Variants in SCN7A observed in about 807,000 individuals in gnomAD.
SCN7A encodes the protein sodium voltage-gated channel alpha subunit 7, also known as sodium channel protein type 7 subunit alpha.
SCN7A carries 138 observed loss-of-function variants against 155.2 expected under a neutral mutation model. The observed-to-expected ratio is 0.89, with a 90% confidence interval of 0.77 to 1.02. SCN7A has a LOEUF of 1.02. Among genes scored for constraint, SCN7A ranks in the 50% least tolerant of loss-of-function variants. SCN7A has a pLI of 0.00. For missense variants in SCN7A, 2,058 were observed against 1,986.6 expected, an observed-to-expected ratio of 1.04 and a Z score of -0.68; for synonymous variants, 693 against 649.0, an observed-to-expected ratio of 1.07 and a Z score of -1.03.
rs1045642901 is a variant in SCN7A at position 166,404,995 on chromosome 2, CA to C, written c.*584del. On this transcript the variant is annotated 3_prime_UTR_variant, in exon 26 of 26. Transcript: ENST00000643258. ...AGTTCCAAATGAAAACAAGAACATA[CA>C]AAAATAAACACAGAGCTTCAACCAA... 1 of 151,778 alleles carries C rather than the reference CA, an allele frequency of 6.6e-6. No homozygotes were observed. The highest frequency in any genetic ancestry group is 2.4e-5 in the African/African-American group (1 of 41,354). The allele number at this position is 151,778 out of a possible 1,614,324, so 9.4% of individuals were successfully genotyped here. A position where few individuals can be genotyped will look rare whatever the true frequency, so the allele number is the denominator to read the frequency against.
At chr2:166,442,113 C>T (rs987047199) in intron 14 of SCN7A, among the ~76,000 whole-genome samples, 2 of 152,124 alleles carry the variant, frequency 1.3e-5, no homozygotes. Flanking sequence ...TATACGTTGA[C>T]ATGAAAATGA....
At chr2:166,458,596 G>A (rs942602014) in intron 10 of SCN7A, among the ~76,000 whole-genome samples, 1 of 152,080 alleles carries the variant, frequency 6.6e-6, no homozygotes, top group Non-Finnish European at 1.5e-5. Context: ...TTCCAAAGGA[G>A]CTGTTCTATA....
At chr2:166,488,969 T>G (rs1190893401) in intron 1 of SCN7A, among the ~76,000 whole-genome samples, 1 of 152,198 alleles carries the variant, frequency 6.6e-6, no homozygotes, top group Non-Finnish European at 1.5e-5. Context: ...TCATGTACTC[T>G]TTGGCCCAGC....
chr2:166,490,102 G>A (rs1683051579), intron 1 of SCN7A, among the ~76,000 whole-genome samples: 1 of 151,716 alleles, frequency 6.6e-6, no homozygotes, highest in African/African-American at 2.4e-5. Flanking sequence ...TCTTTGTAGT[G>A]GAAACATTTA....
At chr2:166,414,468 T>TATAA (rs1262584389) in intron 21 of SCN7A, 2 of 138,280 alleles carry the variant, frequency 1.4e-5, no homozygotes, top group African/African-American at 5.4e-5. Flanking sequence ...ATAGGATATA[T>TATAA]ATATATATAT....
In SCN7A at chr2:166,447,694, T is replaced by C; in HGVS notation, c.1305A>G (p.Gln435=). The C allele has an allele frequency of 6.2e-7, 1 of 1,612,676 alleles. No homozygotes were observed. Among genetic ancestry groups the C allele is most frequent in the Non-Finnish European group, 8.5e-7 (1 of 1,178,934 alleles). The change falls in exon 12 of 26, where the codon CAA becomes CAG. Residue 435 remains glutamine (Q), a synonymous_variant. Coordinates refer to ENST00000643258, the MANE Select transcript of SCN7A (RefSeq NM_002976.4). ...GNETDEAKTI[Q]IEMKKRSPIS... is the part of the protein sequence containing the mutation. ...TTGGTGACCTTTTCTTCATTTCTATTTGTATGGTCTTGGCCTGAAAAGGAA... is the reference window on the plus strand; with the variant it reads ...TTGGTGACCTTTTCTTCATTTCTATCTGTATGGTCTTGGCCTGAAAAGGAA...
intron 15 of SCN7A, among the ~76,000 whole-genome samples, chr2:166,434,525 C>T (rs1159170275): frequency 6.6e-6 from 1 of 152,116 alleles, no homozygotes; most frequent in African/African-American, 2.4e-5. Context: ...AGAAATAAAG[C>T]AGACTTAGGT....
intron 9 of SCN7A, among the ~76,000 whole-genome samples, chr2:166,463,985 G>T (rs559942586): frequency 6.6e-6 from 1 of 152,002 alleles, no homozygotes; most frequent in Non-Finnish European, 1.5e-5. Flanking sequence ...GAACCCATGA[G>T]GCAGAGGTTA....
intron 20 of SCN7A, among the ~76,000 whole-genome samples, chr2:166,418,023 G>A (rs994509317): frequency 6.6e-5 from 10 of 151,654 alleles, no homozygotes; most frequent in Admixed American, 1.3e-4. Context: ...CACTGAAGCT[G>A]CTACGGCAAA....
intron 11 of SCN7A, 45 bp downstream of exon 11, chr2:166,456,825 T>G (rs112770341): frequency 8.8e-5 from 65 of 736,098 alleles, no homozygotes; most frequent in African/African-American, 1.4e-4. Flanking sequence ...TATATATATA[T>G]ATATAGATAG....
chr2:166,426,088 C>T (rs1041286133), intron 18 of SCN7A, among the ~76,000 whole-genome samples: 1 of 152,032 alleles, frequency 6.6e-6, no homozygotes, highest in Non-Finnish European at 1.5e-5. Context: ...ACATATGTGC[C>T]TCCTACTCTA....
At chr2:166,461,058 T>TC (rs1334466433) in intron 10 of SCN7A, among the ~76,000 whole-genome samples, 3 of 148,878 alleles carry the variant, frequency 2.0e-5, no homozygotes, top group South Asian at 2.1e-4. Context: ...CTTTTTTTTT[T>TC]TTTTTTTTTT....
chr2:166,418,840 A>T (rs1019483122), intron 20 of SCN7A, among the ~76,000 whole-genome samples: 9 of 152,172 alleles, frequency 5.9e-5, no homozygotes, highest in Non-Finnish European at 1.2e-4. Flanking sequence ...TAAATACATA[A>T]ATCATTAATT....
chr2:166,432,588 T>C lies in SCN7A; in HGVS notation c.2322A>G (p.Pro774=). The C allele has an allele frequency of 6.2e-7, 1 of 1,613,204 alleles. No homozygotes were observed. Among genetic ancestry groups the C allele is most frequent in the Non-Finnish European group, 8.5e-7 (1 of 1,179,548 alleles). ...CATTTACATGGTCCATTGTGTCCTT[T>C]GGGACATTTTGTGTTTTGCATAGTA... ...LKILCKTQNV[P]KDTMDHVNEV... is the part of the protein sequence containing the mutation. Residue 774 remains proline (P), a synonymous_variant, in exon 16 of 26, where the codon CCA becomes CCG. Coordinates refer to ENST00000643258, the MANE Select transcript of SCN7A (RefSeq NM_002976.4).
intron 15 of SCN7A, among the ~76,000 whole-genome samples, chr2:166,435,467 A>T (rs990522833): frequency 2.0e-5 from 3 of 152,136 alleles, no homozygotes; most frequent in African/African-American, 7.2e-5. Context: ...ACTTTTTAAA[A>T]AATTCCCCTG....
Position 166,444,966 on chromosome 2 carries a change from G to T in SCN7A, c.1422C>A (p.Tyr474Ter). Reference protein sequence around the residue: ...LEKSKKICPLYWYKFAKTFLI... With the variant: ...LEKSKKICPL ...AGAAAGTTTTAGCAAACTTATACCAGTATAATGGGCATATCTTCTTGGATT... is the reference window on the plus strand; with the variant it reads ...AGAAAGTTTTAGCAAACTTATACCATTATAATGGGCATATCTTCTTGGATT... Residue 474 changes from tyrosine to a stop codon, truncating the protein, a stop_gained, in exon 13 of 26, where the codon TAC (tyrosine) becomes TAA (stop). Coordinates refer to ENST00000643258, the MANE Select transcript of SCN7A (RefSeq NM_002976.4). LOFTEE classifies it high-confidence loss of function. 6.2e-7 allele frequency: 1 copy of T among 1,611,590 alleles called. No homozygotes were observed. Among genetic ancestry groups the T allele is most frequent in the Non-Finnish European group, 8.5e-7 (1 of 1,178,080 alleles).
intron 2 of SCN7A, among the ~76,000 whole-genome samples, chr2:166,486,645 AGACT>A (rs1559131541): frequency 1.3e-5 from 2 of 152,218 alleles, no homozygotes; most frequent in East Asian, 1.9e-4. Context: ...CAATCCAGAC[AGACT>A]ATTTCAGAAT....
intron 16 of SCN7A, among the ~76,000 whole-genome samples, chr2:166,431,705 A>G (rs547349560): frequency 2.0e-5 from 3 of 152,048 alleles, no homozygotes; most frequent in Non-Finnish European, 4.4e-5. Context: ...TTTTTTTTTA[A>G]AGCCAGTGCG....
chr2:166,430,678 T>G (rs899709563), intron 16 of SCN7A, among the ~76,000 whole-genome samples: 1 of 151,900 alleles, frequency 6.6e-6, no homozygotes, highest in African/African-American at 2.4e-5. Flanking sequence ...GATATACTTC[T>G]GCATTACAAA....
Sources: gnomAD v4.1 joint callset for allele counts (sites outside exome capture counted in the v4.1 genomes callset) on GRCh38, gnomAD v4.1.1 for gene constraint, MANE v1.5 for transcripts, NCBI Gene and HGNC (gene_info 2026-07-23, HGNC 2026-07-21) for gene names.